The following EVI5L variants were observed in gnomAD, a reference collection of about 807,000 sequenced individuals.
EVI5L encodes the protein ecotropic viral integration site 5 like, also known as EVI5-like protein.
In EVI5L, 30 loss-of-function variants were observed where a neutral mutation model predicts 106.1. The observed-to-expected ratio is 0.28, with a 90% CI of 0.21 to 0.38. The LOEUF (loss-of-function observed/expected upper bound fraction) is 0.38, where lower values mean the gene tolerates loss of function less well. Ranked by LOEUF, EVI5L falls within the 10% of genes least tolerant of loss-of-function variation. EVI5L has a pLI of 1.00. For missense variants in EVI5L, 809 were observed against 1,098.0 expected (o/e 0.74, Z 3.72); for synonymous variants, 489 against 483.3 (o/e 1.01, Z -0.15).
Position 7,862,118 on chromosome 19 carries a change from C to G in EVI5L, c.1645-4C>G. 1 of 1,564,650 alleles carries G rather than the reference C, an allele frequency of 6.4e-7. No individual in the cohort carries two copies. The highest frequency in any genetic ancestry group is 8.6e-7 in the Non-Finnish European group (1 of 1,159,500). The stretch of plus-strand genomic sequence containing the variant: ...ACCGCCGGCTTCTCGGCTTCACCCC[C>G]CAGGCCCATCTGGCCCGCGGCGGCC... On this transcript the variant is annotated splice_polypyrimidine_tract_variant and splice_region_variant and intron_variant, in intron 15 of 19. Transcript: ENST00000538904.
intron 1 of EVI5L, among the ~76,000 whole-genome samples, chr19:7,843,476 G>C (rs558560569): frequency 6.7e-6 from 1 of 149,128 alleles, no homozygotes; most frequent in African/African-American, 2.5e-5. Flanking sequence ...GAATAGGCAT[G>C]GGTGTGTCAA....
intron 13 of EVI5L, among the ~76,000 whole-genome samples, chr19:7,859,983 C>T (rs560027050): frequency 1.3e-5 from 2 of 152,348 alleles, no homozygotes; most frequent in Admixed American, 6.5e-5. Context: ...CCGGCTCCCA[C>T]CCCAGGGACC....
At chr19:7,838,585 A>G (rs75688600) in intron 1 of EVI5L, among the ~76,000 whole-genome samples, 13,259 of 152,232 alleles carry the variant, frequency 0.087, 609 homozygotes, top group East Asian at 0.11. Context: ...TCATTTATTC[A>G]ACAAACGTTT....
At chr19:7,862,578 G>C in intron 17 of EVI5L, 44 bp downstream of exon 17, 1 of 1,278,166 alleles carries the variant, frequency 7.8e-7, no homozygotes, top group South Asian at 1.8e-5. Context: ...CACCGCCCCC[G>C]GACGCGCCCC....
chr19:7,847,240 C>A (rs1426935853), intron 2 of EVI5L, among the ~76,000 whole-genome samples: 5 of 151,932 alleles, frequency 3.3e-5, no homozygotes, highest in Non-Finnish European at 7.4e-5. Flanking sequence ...TGCAGTGAGC[C>A]AAGATCACGC....
At chr19:7,852,321 G>A (rs1229123768) in intron 8 of EVI5L, among the ~76,000 whole-genome samples, 5 of 152,220 alleles carry the variant, frequency 3.3e-5, no homozygotes, top group Non-Finnish European at 5.9e-5. Context: ...CAAAGGCCAC[G>A]GTTGTGTCCG....
In EVI5L at chr19:7,864,503, A is replaced by G. The variant is rs991687979; in HGVS notation, c.*801A>G. On this transcript the variant is annotated 3_prime_UTR_variant, in exon 20 of 20. Transcript: ENST00000538904. The surrounding 1 kb of genome is among the most constrained non-coding windows in gnomAD (Gnocchi z 4.5). The stretch of plus-strand genomic sequence containing the variant: ...ATCTCTACAGGGGTCCTCGGTCTCC[A>G]TCTACTTCCCTTTCTTCATGTGTTT... 6.6e-6 allele frequency: 1 copy of G among 152,204 alleles called. No homozygotes were observed. Among genetic ancestry groups the G allele is most frequent in the South Asian group, 2.1e-4 (1 of 4,808 alleles). 9.4% of individuals were successfully genotyped at this position (152,204 alleles called of 1,614,324 possible).
chr19:7,862,115 C>A lies in EVI5L; in HGVS notation c.1645-7C>A. ...CTGACCGCCGGCTTCTCGGCTTCAC[C>A]CCCCAGGCCCATCTGGCCCGCGGCG... On this transcript the variant is annotated splice_polypyrimidine_tract_variant and splice_region_variant and intron_variant, in intron 15 of 19. Transcript: ENST00000538904. The A allele has an allele frequency of 6.4e-7, 1 of 1,563,344 alleles. No homozygotes were observed.
chr19:7,851,615 C>A (rs757975463), intron 7 of EVI5L, 38 bp downstream of exon 7: 13 of 1,600,546 alleles, frequency 8.1e-6, no homozygotes, highest in Non-Finnish European at 1.1e-5. Context: ...AAGAGAGCCC[C>A]TTGGGGGTGG....
chr19:7,835,422 TGCTTGAACCCAGGAGGCAAAG>T lies in EVI5L; in HGVS notation c.-48+5045_-48+5065del, dbSNP rs1261757471. ...ACTCAGGAGGCTGAGGCAGGAGAAT[TGCTTGAACCCAGGAGGCAAAG>T]GCTGCAGTGAGCCAAGATCGTGCCA... On this transcript the variant is annotated intron_variant, in intron 1 of 19. Coordinates refer to ENST00000538904, the MANE Select transcript of EVI5L (RefSeq NM_001159944.3). The surrounding 1 kb of genome is among the most constrained non-coding windows in gnomAD (Gnocchi z 4.1). Among the ~76,000 whole-genome samples, 3 of 151,816 alleles carry T rather than the reference TGCTTGAACCCAGGAGGCAAAG, an allele frequency of 2.0e-5. No homozygotes were observed. Among genetic ancestry groups the T allele is most frequent in the Non-Finnish European group, 4.4e-5 (3 of 67,946 alleles).
chr19:7,858,223 G>A lies in EVI5L; in HGVS notation c.1266G>A (p.Glu422=), dbSNP rs1344871448. The A allele has an allele frequency of 1.3e-6, 2 of 1,568,192 alleles. No individual in the cohort carries two copies. The highest frequency in any genetic ancestry group is 1.2e-5 in the South Asian group (1 of 85,350). Residue 422 remains glutamate, a synonymous_variant, in exon 13 of 20, where the codon GAG becomes GAA. Transcript: ENST00000538904. The surrounding 1 kb of genome is among the most constrained non-coding windows in gnomAD (Gnocchi z 5.7). ...TGACACGGGCGCAGGAGGCGGAGGA[G>A]AACTACGTCATCAAGCGGGAGCTGG... ...GQVTRAQEAE[E]NYVIKRELAV...
At chr19:7,862,862 C>A in intron 17 of EVI5L, 110 bp from the exon 18 acceptor site, 1 of 732,280 alleles carries the variant, frequency 1.4e-6, no homozygotes, top group Non-Finnish European at 2.1e-6. Flanking sequence ...CCTCCTGACC[C>A]GCCTCCGCCC....
chr19:7,831,131 A>C (rs548522674), intron 1 of EVI5L, among the ~76,000 whole-genome samples: 3 of 150,802 alleles, frequency 2.0e-5, no homozygotes, highest in Middle Eastern at 3.4e-3. Context: ...TGGCTCCTGG[A>C]TCCTGAAAAA....
In EVI5L at chr19:7,849,163, C is replaced by T. The variant is rs748308372; in HGVS notation, c.552+18C>T. 9.3e-6 allele frequency: 15 copies of T among 1,611,708 alleles called. No individual in the cohort carries two copies. Among genetic ancestry groups the T allele is most frequent in the Non-Finnish European group, 1.3e-5 (15 of 1,178,502 alleles). ...TCATGAAGGTGAGGCCCAGGGCTCC[C>T]CGCTCCCTCGGTCCCAAAGGAAGGA... On this transcript the variant is annotated intron_variant, in intron 4 of 19. Transcript: ENST00000538904.
chr19:7,849,898 C>T, intron 5 of EVI5L, 99 bp from the exon 6 acceptor site: 1 of 944,688 alleles, frequency 1.1e-6, no homozygotes, highest in South Asian at 1.5e-5. Context: ...CAGGTACCGA[C>T]ATGGACATGG....
chr19:7,840,245 C>T (rs1013682229), intron 1 of EVI5L, among the ~76,000 whole-genome samples: 29 of 152,324 alleles, frequency 1.9e-4, no homozygotes, highest in African/African-American at 6.7e-4. Flanking sequence ...TTGAGAGACC[C>T]AGACGAGTGA....
At position 7,857,043 on chromosome 19, in the gene EVI5L, T is replaced by C; in HGVS notation, c.1201-49T>C. 6.4e-7 allele frequency: 1 copy of C among 1,551,048 alleles called. No homozygotes were observed. The highest frequency in any genetic ancestry group is 8.7e-7 in the Non-Finnish European group (1 of 1,146,314). ...TCTCCCCTCTCCTGTCCCCGCGCCT[T>C]CCGCTCTGCCTCCTCCCCCTGTCGC... is the stretch of plus-strand genomic sequence containing the variant. On this transcript the variant is annotated intron_variant, in intron 11 of 19. Transcript: ENST00000538904. The surrounding 1 kb of genome is among the most constrained non-coding windows in gnomAD (Gnocchi z 4.5).
Position 7,862,356 on chromosome 19 carries a change from C to T in EVI5L, c.1801-32C>T, listed in dbSNP as rs199755321. 265 of 1,581,712 alleles carry T rather than the reference C, an allele frequency of 1.7e-4. 1 individual carries two copies. Among genetic ancestry groups the T allele is most frequent in the Middle Eastern group, 1.2e-3 (7 of 5,928 alleles). Reference sequence around the variant, plus strand: ...CCCTGAGTTAGGCCCTGACCGCCGCCGTCCTCCGTCCTCCCTTCCTCCCTA... The same window carrying T: ...CCCTGAGTTAGGCCCTGACCGCCGCTGTCCTCCGTCCTCCCTTCCTCCCTA... On this transcript the variant is annotated intron_variant, in intron 16 of 19. Transcript: ENST00000538904.
intron 1 of EVI5L, among the ~76,000 whole-genome samples, chr19:7,831,226 AACACACACACACACACACACACACAC>A (rs4045095): frequency 7.7e-6 from 1 of 130,362 alleles, no homozygotes; most frequent in East Asian, 2.3e-4. Context: ...GAAAACCCCA[AACACACACACACACACACACACACAC>A]ACACACACAC....
Sources: gnomAD v4.1 joint callset for allele counts (sites outside exome capture counted in the v4.1 genomes callset) on GRCh38, gnomAD v4.1.1 for gene constraint, Gnocchi (gnomAD v3.1) non-coding constraint, MANE v1.5 for transcripts, NCBI Gene and HGNC (gene_info 2026-07-23, HGNC 2026-07-21) for gene names.